Variants in FBXO4 observed in about 807,000 individuals in gnomAD.
The protein encoded by FBXO4 is F-box only protein 4.
A neutral mutation model predicts 43.7 loss-of-function variants in FBXO4; 36 were observed. The ratio of observed to expected loss-of-function variants is 0.82; its 90% confidence interval spans 0.63 to 1.09. FBXO4 has a LOEUF of 1.09. FBXO4 is among the 50% of genes least tolerant of loss of function. The pLI is 0.00. For missense variants in FBXO4, 435 were observed against 474.1 expected (o/e 0.92, Z 0.77); for synonymous variants, 180 against 165.6 (o/e 1.09, Z -0.67).
the FBXO4 span, among the ~76,000 whole-genome samples, chr5:41,952,944 G>GT: frequency 6.6e-6 from 1 of 151,216 alleles, no homozygotes; most frequent in Non-Finnish European, 1.5e-5. Flanking sequence ...TATTCTATCA[G>GT]TTTTTTTCTT....
the FBXO4 span, among the ~76,000 whole-genome samples, chr5:42,008,868 C>T: frequency 6.3e-3 from 953 of 152,208 alleles, 8 homozygotes; most frequent in Middle Eastern, 0.027. Flanking sequence ...GAGCTGGATC[C>T]ACCTATTGTG....
intron 5 of FBXO4, chr5:41,934,537 A>G: frequency 7.3e-7 from 1 of 1,371,672 alleles, no homozygotes; most frequent in East Asian, 2.7e-5. Context: ...GGTGGATTTT[A>G]TTCCTAGATT....
At chr5:41,973,082 T>G in the FBXO4 span, among the ~76,000 whole-genome samples, 7 of 152,144 alleles carry the variant, frequency 4.6e-5, no homozygotes, top group Non-Finnish European at 8.8e-5. Flanking sequence ...GGGACTTAAT[T>G]AAACTAAAGA....
At chr5:41,947,156 G>C in the FBXO4 span, among the ~76,000 whole-genome samples, 3 of 152,114 alleles carry the variant, frequency 2.0e-5, no homozygotes, top group Non-Finnish European at 4.4e-5. Flanking sequence ...TTCCTCCTTA[G>C]AGACAATAAC....
the FBXO4 span, among the ~76,000 whole-genome samples, chr5:42,038,943 A>C: frequency 1.3e-5 from 2 of 152,050 alleles, no homozygotes; most frequent in Admixed American, 6.6e-5. Context: ...TACTTTGTTT[A>C]CTTCAGCTAT....
chr5:41,963,798 T>G, the FBXO4 span: 1 of 152,114 alleles, frequency 6.6e-6, no homozygotes, highest in Non-Finnish European at 1.5e-5. Flanking sequence ...TCCATGTATA[T>G]GTGGACCTGT....
chr5:42,031,172 G>A, the FBXO4 span, among the ~76,000 whole-genome samples: 1 of 151,660 alleles, frequency 6.6e-6, no homozygotes, highest in African/African-American at 2.4e-5. Context: ...TGTTTATAGT[G>A]GCACTATTCA....
chr5:41,950,104 T>C, the FBXO4 span, among the ~76,000 whole-genome samples: 3 of 152,134 alleles, frequency 2.0e-5, no homozygotes, highest in East Asian at 5.8e-4. Context: ...CCTAAAACCA[T>C]AAAAACCCTA....
At chr5:41,927,701 T>C (rs1022460846) in intron 2 of FBXO4, among the ~76,000 whole-genome samples, 2 of 152,204 alleles carry the variant, frequency 1.3e-5, no homozygotes, top group Admixed American at 1.3e-4. Context: ...GTGAGATAAT[T>C]AATGTTACTG....
chr5:42,009,205 CT>C, the FBXO4 span, among the ~76,000 whole-genome samples: 1 of 152,080 alleles, frequency 6.6e-6, no homozygotes, highest in South Asian at 2.1e-4. Context: ...ACTGACTTAG[CT>C]CTTATTTGCT....
the FBXO4 span, among the ~76,000 whole-genome samples, chr5:41,966,724 C>G: frequency 6.6e-6 from 1 of 151,826 alleles, no homozygotes; most frequent in Non-Finnish European, 1.5e-5. Context: ...CCTCTTTTCC[C>G]TAATTTTTCC....
chr5:41,996,898 C>T, the FBXO4 span, among the ~76,000 whole-genome samples: 1 of 152,176 alleles, frequency 6.6e-6, no homozygotes, highest in Non-Finnish European at 1.5e-5. Context: ...AGCAATAAGT[C>T]CAGTGTGTTT....
the FBXO4 span, among the ~76,000 whole-genome samples, chr5:42,039,489 G>C: frequency 6.6e-6 from 1 of 152,014 alleles, no homozygotes; most frequent in African/African-American, 2.4e-5. Flanking sequence ...GTGGAACTAT[G>C]CACTTCTTTC....
chr5:41,992,345 C>G, the FBXO4 span, among the ~76,000 whole-genome samples: 12 of 152,134 alleles, frequency 7.9e-5, no homozygotes, highest in Non-Finnish European at 1.6e-4. Flanking sequence ...TTTAGTGGAT[C>G]AGAGGACTTT....
downstream of FBXO4, among the ~76,000 whole-genome samples, chr5:41,943,511 C>T (rs1303108694): frequency 1.3e-5 from 2 of 152,086 alleles, no homozygotes; most frequent in African/African-American, 4.8e-5. Context: ...ATAAGTACTT[C>T]TCTGTGGGAA....
chr5:41,999,514 T>TAC, the FBXO4 span, among the ~76,000 whole-genome samples: 79 of 119,370 alleles, frequency 6.6e-4, no homozygotes, highest in African/African-American at 2.8e-3. Flanking sequence ...TGTGTATATA[T>TAC]ATATATATAC....
Position 41,941,571 on chromosome 5 carries a change from G to A in FBXO4, c.*290G>A, listed in dbSNP as rs1752006403. On this transcript the variant is annotated 3_prime_UTR_variant, in exon 7 of 7. Transcript: ENST00000281623. ...AAATATTAAATTCTGGAAAAAACAA[G>A]TTTGTGCCTCTCATTCCCTGAGTTT... 2 of 198,104 alleles carry A rather than the reference G, an allele frequency of 1.0e-5. No individual in the cohort carries two copies. The highest frequency in any genetic ancestry group is 2.1e-5 in the Non-Finnish European group (2 of 95,644). The allele number at this position is 198,104 out of a possible 1,614,324, so 12.3% of individuals were successfully genotyped here. A position where few individuals can be genotyped will look rare whatever the true frequency, so the allele number is the denominator to read the frequency against.
the FBXO4 span, among the ~76,000 whole-genome samples, chr5:41,962,718 T>C: frequency 6.6e-6 from 1 of 152,192 alleles, no homozygotes. Flanking sequence ...TGAAAGTTTC[T>C]CTTAGCATTC....
the FBXO4 span, among the ~76,000 whole-genome samples, chr5:42,009,742 T>A: frequency 6.6e-6 from 1 of 152,222 alleles, no homozygotes; most frequent in Non-Finnish European, 1.5e-5. Flanking sequence ...GAAGACTAAG[T>A]GTTCCTTTTA....
Sources: allele counts gnomAD v4.1 joint callset (sites outside exome capture counted in the v4.1 genomes callset), GRCh38; gene constraint gnomAD v4.1.1; transcripts MANE v1.5; gene names NCBI Gene and HGNC (gene_info 2026-07-23, HGNC 2026-07-21).